Variants in IKZF1 observed in about 807,000 individuals in gnomAD.
IKZF1 encodes IKAROS family zinc finger 1.
In IKZF1, 10 loss-of-function variants were observed where a neutral mutation model predicts 51.7. The ratio of observed to expected loss-of-function variants is 0.19; its 90% CI spans 0.12 to 0.33. The LOEUF (loss-of-function observed/expected upper bound fraction) is 0.33, where lower values mean the gene tolerates loss of function less well. Among genes scored for constraint, IKZF1 ranks in the 10% least tolerant of loss-of-function variants. The probability of loss-of-function intolerance (pLI) is 1.00; values close to 1 mark genes in which losing one functional copy is unlikely to be tolerated. For missense variants in IKZF1, 484 were observed against 707.5 expected, an observed-to-expected ratio of 0.68 and a Z score of 3.58; for synonymous variants, 280 against 282.3, an observed-to-expected ratio of 0.99 and a Z score of 0.08.
At chr7:50,343,539 A>C (rs916428225) in intron 3 of IKZF1, among the ~76,000 whole-genome samples, 2 of 152,230 alleles carry the variant, frequency 1.3e-5, no homozygotes, top group Non-Finnish European at 2.9e-5. Flanking sequence ...TGATCATTAA[A>C]TGAATTAGGG....
In IKZF1 at chr7:50,404,342, C is replaced by A; in HGVS notation, c.*3715C>A. 1 of 225,072 alleles carries A rather than the reference C, an allele frequency of 4.4e-6. No homozygotes were observed. Among genetic ancestry groups the A allele is most frequent in the Non-Finnish European group, 8.9e-6 (1 of 112,662 alleles). 13.9% of individuals were successfully genotyped at this position (225,072 alleles called of 1,614,324 possible). Reference sequence around the variant, plus strand: ...TAAATTATTGCTGTTTAGCTGTGAACAAGGGATGTACCACTGGAGGAATAG... The same window carrying A: ...TAAATTATTGCTGTTTAGCTGTGAAAAAGGGATGTACCACTGGAGGAATAG... On this transcript the variant is annotated 3_prime_UTR_variant, in exon 8 of 8. Transcript: ENST00000331340.
At chr7:50,351,569 G>A (rs1170936055) in intron 3 of IKZF1, among the ~76,000 whole-genome samples, 1 of 152,216 alleles carries the variant, frequency 6.6e-6, no homozygotes, top group Non-Finnish European at 1.5e-5. Context: ...GATATGTGAA[G>A]TAAAATGTGC....
In IKZF1 at chr7:50,315,033, G is replaced by A. The variant is rs957546229; in HGVS notation, c.-14-4015G>A. Among the ~76,000 whole-genome samples, 17 of 152,264 alleles carry A rather than the reference G, an allele frequency of 1.1e-4. 1 individual carries two copies. The highest frequency in any genetic ancestry group is 2.4e-4 in the Non-Finnish European group (16 of 68,046). On this transcript the variant is annotated intron_variant, in intron 1 of 7. Transcript: ENST00000331340. ...GCTGTAAATCAGCAGGGCCCACACG[G>A]CCTGGAAGAGGCCCCTGTGCTGTCG...
intron 1 of IKZF1, among the ~76,000 whole-genome samples, chr7:50,315,518 A>G (rs1013526869): frequency 6.6e-6 from 1 of 152,236 alleles, no homozygotes; most frequent in Non-Finnish European, 1.5e-5. Context: ...GCATGCTCCA[A>G]AAAAACAATA....
intron 6 of IKZF1, 138 bp from the exon 7 acceptor site, chr7:50,391,591 G>C: frequency 7.6e-7 from 1 of 1,314,458 alleles, no homozygotes. Flanking sequence ...TGGAAGTGTT[G>C]CTGGGAAGAT....
In IKZF1 at chr7:50,337,154, T is replaced by C. The variant is rs899956445; in HGVS notation, c.160+9397T>C. On this transcript the variant is annotated intron_variant, in intron 3 of 7. Coordinates refer to ENST00000331340, the MANE Select transcript of IKZF1 (RefSeq NM_006060.6). ...AGGAGAGGAGGCAGCAGCTGTGGGC[T>C]GTCAGGCATCAGGAACCAAGGGAAG... Among the ~76,000 whole-genome samples, 25 of 152,080 alleles carry C rather than the reference T, an allele frequency of 1.6e-4. No homozygotes were observed. The South Asian group carries it at 5.2e-3, about 32-fold the overall frequency.
chr7:50,306,789 G>T (rs1302129310), intron 1 of IKZF1, among the ~76,000 whole-genome samples: 1 of 152,166 alleles, frequency 6.6e-6, no homozygotes, highest in African/African-American at 2.4e-5. Context: ...TGGTTCTTTG[G>T]TTTGGATACA....
At chr7:50,309,289 A>G (rs1473740897) in intron 1 of IKZF1, among the ~76,000 whole-genome samples, 1 of 152,204 alleles carries the variant, frequency 6.6e-6, no homozygotes, top group Non-Finnish European at 1.5e-5. Flanking sequence ...TTGCACACCA[A>G]AAGTTAACTC....
chr7:50,332,663 G>C (rs948629708), intron 3 of IKZF1, among the ~76,000 whole-genome samples: 3,072 of 152,300 alleles, frequency 0.02, 48 homozygotes, highest in Non-Finnish European at 0.025. Flanking sequence ...GATGTAAGTG[G>C]AGATGGGTTG....
rs201790395 is a variant in IKZF1 at position 50,402,557 on chromosome 7, AG to A, written c.*1931del. 70 of 230,820 alleles carry A rather than the reference AG, an allele frequency of 3.0e-4. No individual in the cohort carries two copies. Among genetic ancestry groups the A allele is most frequent in the East Asian group, 1.9e-3 (30 of 16,098 alleles). 14.3% of individuals were successfully genotyped at this position (230,820 alleles called of 1,614,324 possible). On this transcript the variant is annotated 3_prime_UTR_variant, in exon 8 of 8. Coordinates refer to ENST00000331340, the MANE Select transcript of IKZF1 (RefSeq NM_006060.6). ...AATCAAATGTCTGGGAAGCCCTCCA[AG>A]AAAAAAAATAGAAAAGCACTTGAAG... is the stretch of plus-strand genomic sequence containing the variant.
chr7:50,317,613 A>G (rs1247634905), intron 1 of IKZF1, among the ~76,000 whole-genome samples: 2 of 152,162 alleles, frequency 1.3e-5, no homozygotes. Flanking sequence ...CTCCTAAGCC[A>G]CACACCTACC....
chr7:50,309,472 C>T (rs530292782), intron 1 of IKZF1, among the ~76,000 whole-genome samples: 1 of 152,112 alleles, frequency 6.6e-6, no homozygotes, highest in East Asian at 1.9e-4. Flanking sequence ...CTTCCTTCCC[C>T]TCTTTCTTTC....
Position 50,387,400 on chromosome 7 carries a change from TTTAGAGGAACA to T in IKZF1, c.647_657del (p.Leu216Ter). The T allele has an allele frequency of 6.2e-7, 1 of 1,613,306 alleles. No homozygotes were observed. The highest frequency in any genetic ancestry group is 8.5e-7 in the Non-Finnish European group (1 of 1,179,610). On this transcript the variant is annotated frameshift_variant, in exon 6 of 8. Transcript: ENST00000331340. LOFTEE classifies it high-confidence loss of function. The stretch of plus-strand genomic sequence containing the variant: ...GCCGAAGCTATAAACAGCGAAGCTC[TTTAGAGGAACA>T]TAAAGAGCGCTGCCACAACTACTTG...
chr7:50,368,148 T>C, intron 3 of IKZF1: 1 of 703,446 alleles, frequency 1.4e-6, no homozygotes, highest in Non-Finnish European at 2.6e-6. Context: ...TGTTCCTTCA[T>C]CAACCCCCGA....
chr7:50,363,471 G>A (rs2153450375), intron 3 of IKZF1, among the ~76,000 whole-genome samples: 1 of 152,176 alleles, frequency 6.6e-6, no homozygotes, highest in East Asian at 1.9e-4. Context: ...GGTGAAACGA[G>A]CCACTGAGGA....
chr7:50,369,201 G>C (rs954289232), intron 3 of IKZF1: 18 of 282,696 alleles, frequency 6.4e-5, no homozygotes, highest in Non-Finnish European at 6.6e-6. Flanking sequence ...TATGGTATTG[G>C]ACAGAGAAAT....
At chr7:50,354,520 G>T (rs1180605347) in intron 3 of IKZF1, among the ~76,000 whole-genome samples, 1 of 152,232 alleles carries the variant, frequency 6.6e-6, no homozygotes, top group Non-Finnish European at 1.5e-5. Flanking sequence ...GAGGTGGCTG[G>T]CAGGAGATAC....
In IKZF1 at chr7:50,391,842, T is replaced by A. The variant is rs746142509; in HGVS notation, c.829T>A (p.Ser277Thr). The change falls in exon 7 of 8, where the codon TCT becomes ACT. Residue 277 changes from serine (S) to threonine (T), a missense_variant. This residue lies in a region of IKZF1 where 172 missense variants were observed against 192.7 expected (regional missense o/e 0.89). Coordinates refer to ENST00000331340, the MANE Select transcript of IKZF1 (RefSeq NM_006060.6). ...LASNVAKRKS[S>T]MPQKFLGDKG... ...AAGTAACGTCGCCAAACGTAAGAGC[T>A]CTATGCCTCAGAAATTTCTTGGTAA... is the stretch of plus-strand genomic sequence containing the variant. 1 of 1,613,432 alleles carries A rather than the reference T, an allele frequency of 6.2e-7. No homozygotes were observed.
At chr7:50,394,803 A>C (rs1816229465) in intron 7 of IKZF1, among the ~76,000 whole-genome samples, 1 of 152,234 alleles carries the variant, frequency 6.6e-6, no homozygotes, top group Admixed American at 6.5e-5. Context: ...TGCCAGCAAC[A>C]TTCCTCACCA....
Sources: allele counts gnomAD v4.1 joint callset (sites outside exome capture counted in the v4.1 genomes callset), GRCh38; gene constraint gnomAD v4.1.1; regional missense constraint gnomAD v4.1.1; transcripts MANE v1.5; gene names NCBI Gene and HGNC (gene_info 2026-07-23, HGNC 2026-07-21).